Variants in EXOC4 observed in about 807,000 individuals in gnomAD.
EXOC4 encodes the protein exocyst complex component 4.
A neutral mutation model predicts 107.2 loss-of-function variants in EXOC4; 71 were observed. That is an observed-to-expected ratio of 0.66 (90% CI 0.55 to 0.81). The LOEUF is 0.81. Ranked by LOEUF, EXOC4 falls within the 30% of genes least tolerant of loss-of-function variation. The pLI is 0.00. For missense variants in EXOC4, 1,108 were observed against 1,189.6 expected (o/e 0.93, Z 1.01); for synonymous variants, 456 against 441.2 (o/e 1.03, Z -0.42).
the EXOC4 span, among the ~76,000 whole-genome samples, chr7:134,093,065 G>T: frequency 6.6e-6 from 1 of 151,924 alleles, no homozygotes; most frequent in Admixed American, 6.6e-5. Context: ...CTTCACCATT[G>T]AATCAAAACC....
intron 5 of EXOC4, among the ~76,000 whole-genome samples, chr7:133,344,607 C>G (rs1190072507): frequency 6.6e-6 from 1 of 152,150 alleles, no homozygotes. Flanking sequence ...AGCCAAAGGG[C>G]ATTTCTCTCT....
intron 15 of EXOC4, among the ~76,000 whole-genome samples, chr7:134,003,844 G>A (rs1203469033): frequency 6.6e-6 from 1 of 152,094 alleles, no homozygotes; most frequent in East Asian, 1.9e-4. Flanking sequence ...AAAAGGCTGT[G>A]GCAGTGCAGC....
intron 9 of EXOC4, chr7:133,484,151 T>C (rs568511240): frequency 7.6e-5 from 122 of 1,608,094 alleles, no homozygotes; most frequent in Non-Finnish European, 9.0e-5. Flanking sequence ...CAATTAGAAA[T>C]GTGACTCAGT....
At chr7:133,326,023 A>G (rs1009170236) in intron 5 of EXOC4, among the ~76,000 whole-genome samples, 1 of 152,174 alleles carries the variant, frequency 6.6e-6, no homozygotes, top group Non-Finnish European at 1.5e-5. Context: ...AAGCTTGTGC[A>G]TTCGTCACGT....
At chr7:133,315,428 G>A (rs1794969509) in intron 4 of EXOC4, 1 of 152,220 alleles carries the variant, frequency 6.6e-6, no homozygotes, top group Non-Finnish European at 1.5e-5. Context: ...GGCACGGAAA[G>A]ATGGTGGAAA....
rs542619675 is a variant in EXOC4, at chr7:133,925,706, A to T, written c.2027+7968A>T. ...GGACCTGGAGCAGAATTTTCAGGTG[A>T]TAAAGGTCAAGCAATATATAAAACC... On this transcript the variant is annotated intron_variant, in intron 13 of 17. Transcript: ENST00000253861. Among the ~76,000 whole-genome samples, 6 of 152,300 alleles carry T rather than the reference A, an allele frequency of 3.9e-5. No individual in the cohort carries two copies. In the South Asian group the frequency reaches 1.0e-3, roughly 26 times the overall value.
At chr7:133,414,619 A>G (rs1357552472) in intron 7 of EXOC4, among the ~76,000 whole-genome samples, 1 of 152,176 alleles carries the variant, frequency 6.6e-6, no homozygotes, top group African/African-American at 2.4e-5. Flanking sequence ...AAAATAAACT[A>G]GTTGCACATG....
intron 10 of EXOC4, among the ~76,000 whole-genome samples, chr7:133,681,576 T>C (rs921739498): frequency 2.0e-5 from 3 of 152,188 alleles, no homozygotes; most frequent in Admixed American, 6.5e-5. Context: ...TACCATAGTT[T>C]AGAGAAAACT....
At chr7:133,864,004 G>C (rs1264524866) in intron 11 of EXOC4, among the ~76,000 whole-genome samples, 3 of 152,076 alleles carry the variant, frequency 2.0e-5, no homozygotes, top group Admixed American at 6.6e-5. Flanking sequence ...TTTGTTATTT[G>C]TTGACTTATT....
At chr7:133,857,661 G>A (rs1396930199) in intron 11 of EXOC4, among the ~76,000 whole-genome samples, 1 of 151,760 alleles carries the variant, frequency 6.6e-6, no homozygotes, top group Non-Finnish European at 1.5e-5. Flanking sequence ...GCTGCGGCAG[G>A]GCAGGCAGCT....
At chr7:133,298,777 A>G (rs1794577810) in intron 3 of EXOC4, among the ~76,000 whole-genome samples, 1 of 152,192 alleles carries the variant, frequency 6.6e-6, no homozygotes, top group African/African-American at 2.4e-5. Flanking sequence ...AGGACTTGAG[A>G]TCTACTTCTA....
chr7:133,330,426 G>A (rs1270070593), intron 5 of EXOC4, among the ~76,000 whole-genome samples: 1 of 152,096 alleles, frequency 6.6e-6, no homozygotes, highest in African/African-American at 2.4e-5. Context: ...CTTTCCAGGG[G>A]AGTGAACGGT....
chr7:133,303,801 T>C (rs1794693905), intron 3 of EXOC4, among the ~76,000 whole-genome samples: 1 of 152,220 alleles, frequency 6.6e-6, no homozygotes, highest in Non-Finnish European at 1.5e-5. Flanking sequence ...ACAGTTACAA[T>C]GGCTCAAAGA....
chr7:133,957,245 G>C (rs144823129), intron 14 of EXOC4, among the ~76,000 whole-genome samples: 44 of 152,260 alleles, frequency 2.9e-4, no homozygotes, highest in African/African-American at 1.0e-3. Flanking sequence ...CTTAGAAATA[G>C]TTTTATTTTA....
At chr7:133,994,494 G>T (rs538899301) in intron 14 of EXOC4, among the ~76,000 whole-genome samples, 2 of 152,204 alleles carry the variant, frequency 1.3e-5, no homozygotes, top group East Asian at 3.9e-4. Context: ...TTCAGCACAT[G>T]TATCCCAGAA....
chr7:134,054,562 A>C (rs543146070), intron 17 of EXOC4, among the ~76,000 whole-genome samples: 1 of 152,148 alleles, frequency 6.6e-6, no homozygotes, highest in Admixed American at 6.6e-5. Context: ...CTGTGCATTA[A>C]TGAAGGTATT....
At chr7:133,587,475 CTCAGAG>C (rs1219070372) in intron 9 of EXOC4, among the ~76,000 whole-genome samples, 2 of 152,128 alleles carry the variant, frequency 1.3e-5, no homozygotes, top group East Asian at 1.9e-4. Context: ...AGCTCCAGTG[CTCAGAG>C]TCAAACTAAA....
chr7:133,794,963 C>A (rs1317271255), intron 10 of EXOC4, among the ~76,000 whole-genome samples: 1 of 150,820 alleles, frequency 6.6e-6, no homozygotes, highest in Admixed American at 6.6e-5. Context: ...CCACAACAGG[C>A]CCCGGTGTGT....
intron 10 of EXOC4, among the ~76,000 whole-genome samples, chr7:133,690,827 G>T (rs559772780): frequency 1.3e-5 from 2 of 152,262 alleles, no homozygotes; most frequent in South Asian, 4.1e-4. Context: ...GTCATAAATT[G>T]TGGGGAAGTG....
Sources: gnomAD v4.1 joint callset for allele counts (sites outside exome capture counted in the v4.1 genomes callset) on GRCh38, gnomAD v4.1.1 for gene constraint, MANE v1.5 for transcripts, NCBI Gene and HGNC (gene_info 2026-07-23, HGNC 2026-07-21) for gene names.